Variants in CDYL observed in about 807,000 individuals in gnomAD.
CDYL encodes the protein chromodomain Y like, also known as chromodomain Y-like protein.
A neutral mutation model predicts 47.3 loss-of-function variants in CDYL; 8 were observed. The ratio of observed to expected loss-of-function variants is 0.17; its 90% CI spans 0.10 to 0.31. The LOEUF is 0.31. Among genes scored for constraint, CDYL ranks in the 10% least tolerant of loss-of-function variants. The pLI is 1.00. For synonymous variants in CDYL, 266 were observed against 265.0 expected (o/e 1.00, Z -0.04); for missense variants, 471 against 701.4 (o/e 0.67, Z 3.71).
At chr6:4,830,872 C>G (rs142509244) in intron 1 of CDYL, among the ~76,000 whole-genome samples, 5,161 of 151,342 alleles carry the variant, frequency 0.034, 302 homozygotes, top group African/African-American at 0.12. Context: ...TTTGTTCTTG[C>G]GATAGTTTAC....
intron 2 of CDYL, among the ~76,000 whole-genome samples, chr6:4,925,875 C>T (rs1364083652): frequency 2.0e-5 from 3 of 152,048 alleles, no homozygotes; most frequent in Admixed American, 1.3e-4. Context: ...AAGAATAGCC[C>T]GGCAGGAGCT....
At chr6:4,842,570 G>C (rs186496062) in intron 1 of CDYL, among the ~76,000 whole-genome samples, 1 of 151,864 alleles carries the variant, frequency 6.6e-6, no homozygotes, top group South Asian at 2.1e-4. Flanking sequence ...TGTTTTTTCT[G>C]ATATAAGAAT....
chr6:4,770,594 A>G (rs1758324453), intron 3 of CDYL, among the ~76,000 whole-genome samples: 1 of 152,106 alleles, frequency 6.6e-6, no homozygotes, highest in Admixed American at 6.5e-5. Context: ...CATTTTGTTT[A>G]GTCTGTTAGG....
chr6:4,819,144 CTCTCTCTCTCTCTCTCTCTGTG>C (rs1268507192), intron 1 of CDYL, among the ~76,000 whole-genome samples: 3 of 141,316 alleles, frequency 2.1e-5, no homozygotes, highest in African/African-American at 8.7e-5. Flanking sequence ...CTCTCTCTCT[CTCTCTCTCTCTCTCTCTCTGTG>C]TGTGTGTGTG....
chr6:4,771,032 C>G (rs1478375966), intron 3 of CDYL, among the ~76,000 whole-genome samples: 2 of 152,142 alleles, frequency 1.3e-5, no homozygotes, highest in Non-Finnish European at 2.9e-5. Context: ...TTTTACTACA[C>G]AATGGTCATT....
chr6:4,820,391 A>G (rs1189906331), intron 1 of CDYL, among the ~76,000 whole-genome samples: 1 of 152,182 alleles, frequency 6.6e-6, no homozygotes, highest in Admixed American at 6.5e-5. Context: ...CCTCACAGCA[A>G]AGTTTTACAT....
chr6:4,920,517 G>A (rs1440104474), intron 2 of CDYL, among the ~76,000 whole-genome samples: 3 of 152,206 alleles, frequency 2.0e-5, no homozygotes, highest in African/African-American at 7.2e-5. Context: ...AGTGGAGGGC[G>A]CCGTTCCTGG....
intron 1 of CDYL, among the ~76,000 whole-genome samples, chr6:4,787,765 C>CTTTTTTTTTTTTTTTTTTT (rs70974136): frequency 1.4e-5 from 1 of 69,410 alleles, no homozygotes; most frequent in African/African-American, 5.6e-5. Context: ...AAATTCAAGT[C>CTTTTTTTTTTTTTTTTTTT]TTTTTTTTTT....
intron 1 of CDYL, among the ~76,000 whole-genome samples, chr6:4,711,288 G>A (rs1330229460): frequency 6.6e-6 from 1 of 152,094 alleles, no homozygotes; most frequent in Non-Finnish European, 1.5e-5. Context: ...CAGAGTAAAG[G>A]AAGAAACAAG....
chr6:4,754,804 C>T (rs182265677), intron 3 of CDYL, among the ~76,000 whole-genome samples: 619 of 152,278 alleles, frequency 4.1e-3, no homozygotes, highest in Non-Finnish European at 6.9e-3. Flanking sequence ...ACTCTTGAAT[C>T]ATATCCTATA....
chr6:4,912,578 C>T (rs1159761376), intron 2 of CDYL, among the ~76,000 whole-genome samples: 3 of 152,218 alleles, frequency 2.0e-5, no homozygotes. Flanking sequence ...TGCTGATTGA[C>T]ATTTGACATT....
At chr6:4,769,735 G>A (rs1219102833) in intron 3 of CDYL, among the ~76,000 whole-genome samples, 2 of 152,106 alleles carry the variant, frequency 1.3e-5, no homozygotes, top group African/African-American at 2.4e-5. Context: ...AGGTGGCCTG[G>A]GCTCAACAGC....
chr6:4,841,375 A>AT (rs1419821856), intron 1 of CDYL, among the ~76,000 whole-genome samples: 19 of 151,368 alleles, frequency 1.3e-4, no homozygotes, highest in Admixed American at 1.3e-3. Flanking sequence ...TTTTGTATTT[A>AT]TTTTTTGTTG....
chr6:4,884,406 G>A (rs1024532434), intron 1 of CDYL, among the ~76,000 whole-genome samples: 3 of 152,204 alleles, frequency 2.0e-5, no homozygotes, highest in Non-Finnish European at 4.4e-5. Context: ...GAGACAAATT[G>A]AGTGGATTTG....
intron 1 of CDYL, among the ~76,000 whole-genome samples, chr6:4,888,265 T>A (rs9504283): frequency 2.2e-3 from 328 of 152,266 alleles, no homozygotes; most frequent in African/African-American, 7.6e-3. Flanking sequence ...TTTAAAAATT[T>A]TGGTAGAATT....
At chr6:4,926,082 G>A (rs957054668) in intron 2 of CDYL, among the ~76,000 whole-genome samples, 1 of 152,078 alleles carries the variant, frequency 6.6e-6, no homozygotes, top group African/African-American at 2.4e-5. Flanking sequence ...CCTTTAACTC[G>A]GAGACCCCTA....
chr6:4,841,829 G>A (rs572067483), intron 1 of CDYL, among the ~76,000 whole-genome samples: 3 of 151,600 alleles, frequency 2.0e-5, no homozygotes, highest in Non-Finnish European at 2.9e-5. Context: ...GGCTATCTTG[G>A]AGAATGTTCC....
At chr6:4,746,578 G>C (rs1449779947) in intron 3 of CDYL, among the ~76,000 whole-genome samples, 1 of 152,198 alleles carries the variant, frequency 6.6e-6, no homozygotes, top group African/African-American at 2.4e-5. Flanking sequence ...CTTAAGCCTG[G>C]TGGCTGAGAG....
intron 1 of CDYL, among the ~76,000 whole-genome samples, chr6:4,783,664 G>C (rs577974613): frequency 1.3e-5 from 2 of 152,162 alleles, no homozygotes; most frequent in African/African-American, 4.8e-5. Flanking sequence ...TGATCCACCC[G>C]CCTCAGCCTC....
Sources: gnomAD v4.1 joint callset for allele counts (sites outside exome capture counted in the v4.1 genomes callset) on GRCh38, gnomAD v4.1.1 for gene constraint, MANE v1.5 for transcripts, NCBI Gene and HGNC (gene_info 2026-07-23, HGNC 2026-07-21) for gene names.